Variants in NEIL2 observed in about 807,000 individuals in gnomAD.
NEIL2 encodes nei like DNA glycosylase 2, also known as endonuclease 8-like 2.
NEIL2 carries 23 observed loss-of-function variants against 22.2 expected under a neutral mutation model. That is an observed-to-expected ratio of 1.04 (90% CI 0.75 to 1.47). NEIL2 has a LOEUF of 1.47. NEIL2 is among the 40% of genes most tolerant of loss of function. The pLI is 0.00. For synonymous variants in NEIL2, 229 were observed against 164.8 expected (o/e 1.39, Z -2.99); for missense variants, 583 against 404.7 (o/e 1.44, Z -3.78).
intron 3 of NEIL2, among the ~76,000 whole-genome samples, chr8:11,780,735 A>G (rs6601606): frequency 0.042 from 6,373 of 152,266 alleles, 287 homozygotes; most frequent in East Asian, 0.25. Flanking sequence ...ATAAGACTCT[A>G]TCTAGGTTTA....
intron 4 of NEIL2, 122 bp from the exon 5 acceptor site, chr8:11,785,841 C>A: frequency 1.1e-6 from 1 of 871,232 alleles, no homozygotes. Context: ...TCAGAGATCG[C>A]AGACCCGTCT....
rs796345139 is a variant in NEIL2, at chr8:11,780,519, A to C, written c.491+569A>C. On this transcript the variant is annotated intron_variant, in intron 3 of 4. Transcript: ENST00000284503. ...CCTTAGCCTCGGAGGAGCTGGGACTACAGGTGCGTGCCACCACACCGGCTA... is the reference window on the plus strand; with the variant it reads ...CCTTAGCCTCGGAGGAGCTGGGACTCCAGGTGCGTGCCACCACACCGGCTA... Among the ~76,000 whole-genome samples, 15 of 152,248 alleles carry C rather than the reference A, an allele frequency of 9.9e-5. 1 individual carries two copies. The highest frequency in any genetic ancestry group is 3.6e-4 in the African/African-American group (15 of 41,542).
In NEIL2 at chr8:11,773,910, C is replaced by A. The variant is rs148943220; in HGVS notation, c.138+2325C>A. On this transcript the variant is annotated intron_variant, in intron 2 of 4. Transcript: ENST00000284503. Reference sequence around the variant, plus strand: ...AGGAGCAACATTGGAAACCAAGCTCCTTCTACTCTCCCCTTCCAAGACTGG... The same window carrying A: ...AGGAGCAACATTGGAAACCAAGCTCATTCTACTCTCCCCTTCCAAGACTGG... Among the ~76,000 whole-genome samples the A allele has an allele frequency of 3.5e-4, 53 of 152,294 alleles. 1 individual carries two copies. Among genetic ancestry groups the A allele is most frequent in the Middle Eastern group, 6.8e-3 (2 of 294 alleles).
chr8:11,775,377 CAG>C (rs1173495752), intron 2 of NEIL2, among the ~76,000 whole-genome samples: 1 of 152,218 alleles, frequency 6.6e-6, no homozygotes, highest in Admixed American at 6.5e-5. Context: ...GGCTAGGACA[CAG>C]GGCACCAAGT....
intron 2 of NEIL2, among the ~76,000 whole-genome samples, chr8:11,773,965 A>G (rs1165874124): frequency 6.6e-6 from 1 of 152,032 alleles, no homozygotes; most frequent in Non-Finnish European, 1.5e-5. Context: ...GGTTTAATGG[A>G]CTCACAGTTC....
In NEIL2 at chr8:11,786,293, A is replaced by C; in HGVS notation, c.*20A>C. The C allele has an allele frequency of 1.3e-6, 2 of 1,597,588 alleles. No individual in the cohort carries two copies. The highest frequency in any genetic ancestry group is 1.7e-6 in the Non-Finnish European group (2 of 1,174,702). ...TCCTAAGGAGCTGGTGGTGCTCCTC[A>C]CGGAACCTTGCCGCTTGGGGAACCT... On this transcript the variant is annotated 3_prime_UTR_variant, in exon 5 of 5. Transcript: ENST00000284503.
chr8:11,785,839 C>T (rs1005046094), intron 4 of NEIL2, 124 bp from the exon 5 acceptor site: 12 of 852,658 alleles, frequency 1.4e-5, no homozygotes, highest in South Asian at 6.7e-5. Context: ...AGTCAGAGAT[C>T]GCAGACCCGT....
intron 3 of NEIL2, among the ~76,000 whole-genome samples, chr8:11,781,495 C>T (rs1047931311): frequency 4.6e-5 from 7 of 152,198 alleles, no homozygotes; most frequent in Admixed American, 1.3e-4. Flanking sequence ...CCCCAGCAAA[C>T]CTGTCATCAT....
Position 11,779,676 on chromosome 8 carries a change from C to T in NEIL2, c.217C>T (p.Pro73Ser), listed in dbSNP as rs371264329. 3.1e-6 allele frequency: 5 copies of T among 1,613,914 alleles called. No homozygotes were observed. The South Asian group carries it at 4.4e-5, about 14-fold the overall frequency. The change falls in exon 3 of 5, where the codon CCT becomes TCT. Residue 73 changes from proline (P) to serine (S), a missense_variant. Coordinates refer to ENST00000284503, the MANE Select transcript of NEIL2 (RefSeq NM_145043.4). The part of the protein sequence containing the change: ...GPPGSSPTPE[P>S]PQKEVQKEGA... Reference sequence around the variant, plus strand: ...CCCTGGCAGCAGCCCAACACCAGAGCCTCCACAAAAAGAAGTGCAGAAGGA... The same window carrying T: ...CCCTGGCAGCAGCCCAACACCAGAGTCTCCACAAAAAGAAGTGCAGAAGGA...
At position 11,779,860 on chromosome 8, in the gene NEIL2, G is replaced by T. The variant is rs766124017; in HGVS notation, c.401G>T (p.Ser134Ile). 1 of 1,614,212 alleles carries T rather than the reference G, an allele frequency of 6.2e-7. No homozygotes were observed. The highest frequency in any genetic ancestry group is 8.5e-7 in the Non-Finnish European group (1 of 1,180,040). The part of the protein sequence containing the change: ...AGDAGRWLRV[S>I]FGLFGSVWVN... ...GATGCTGGGAGGTGGCTGCGTGTCA[G>T]CTTTGGTTTGTTTGGCAGCGTTTGG... The change falls in exon 3 of 5, where the codon AGC becomes ATC. Residue 134 changes from serine to isoleucine, a missense_variant. Physicochemically the swap from Ser to Ile is moderately radical, Grantham distance 142. Transcript: ENST00000284503.
At chr8:11,777,983 T>C (rs1186562191) in intron 2 of NEIL2, among the ~76,000 whole-genome samples, 1 of 152,200 alleles carries the variant, frequency 6.6e-6, no homozygotes, top group African/African-American at 2.4e-5. Flanking sequence ...ATTGAAAGCA[T>C]TGCAGAGCCT....
At chr8:11,783,073 G>A (rs1424593722) in intron 3 of NEIL2, 130 bp from the exon 4 acceptor site, 3 of 790,232 alleles carry the variant, frequency 3.8e-6, no homozygotes, top group Non-Finnish European at 6.8e-6. Flanking sequence ...GTATGATCCA[G>A]CCACAGAGTG....
intron 2 of NEIL2, among the ~76,000 whole-genome samples, chr8:11,773,688 A>T (rs543749683): frequency 1.8e-4 from 28 of 152,270 alleles, no homozygotes; most frequent in African/African-American, 6.5e-4. Flanking sequence ...AGGTGGAGTG[A>T]GCAGGGTGAG....
At chr8:11,775,964 A>C (rs1342264792) in intron 2 of NEIL2, among the ~76,000 whole-genome samples, 1 of 152,006 alleles carries the variant, frequency 6.6e-6, no homozygotes, top group Non-Finnish European at 1.5e-5. Flanking sequence ...GACTGTTTCA[A>C]CCTCTGCCTG....
At chr8:11,781,673 C>T (rs1231592413) in intron 3 of NEIL2, among the ~76,000 whole-genome samples, 1 of 152,216 alleles carries the variant, frequency 6.6e-6, no homozygotes, top group African/African-American at 2.4e-5. Flanking sequence ...TCTCTTTTCT[C>T]ATGTACCTGT....
chr8:11,776,985 G>C (rs1803957680), intron 2 of NEIL2, among the ~76,000 whole-genome samples: 1 of 152,256 alleles, frequency 6.6e-6, no homozygotes, highest in Admixed American at 6.5e-5. Flanking sequence ...AGGAGCCCCT[G>C]TTCCAGTGTA....
intron 4 of NEIL2, among the ~76,000 whole-genome samples, chr8:11,785,043 A>T (rs1174428372): frequency 6.6e-6 from 1 of 151,900 alleles, no homozygotes; most frequent in East Asian, 1.9e-4. Flanking sequence ...TAATTTTTAA[A>T]ATTTTTGTAG....
Position 11,771,501 on chromosome 8 carries a change from G to A in NEIL2, c.54G>A (p.Val18=), listed in dbSNP as rs745808000. ...TTCACCATTTGGTCTCCCCCTTTGT[G>A]GGTCAGCAGGTGGTCAAGACAGGGG... is the stretch of plus-strand genomic sequence containing the variant. ...RKFHHLVSPF[V]GQQVVKTGGS... Residue 18 remains valine (V), a synonymous_variant, in exon 2 of 5, where the codon GTG becomes GTA. Coordinates refer to ENST00000284503, the MANE Select transcript of NEIL2 (RefSeq NM_145043.4). 1.2e-5 allele frequency: 20 copies of A among 1,614,146 alleles called. No homozygotes were observed. The East Asian group carries it at 4.5e-4, about 36-fold the overall frequency.
intron 4 of NEIL2, 50 bp from the exon 5 acceptor site, chr8:11,785,913 C>A: frequency 6.4e-7 from 1 of 1,563,824 alleles, no homozygotes; most frequent in Non-Finnish European, 8.8e-7. Flanking sequence ...GTGGTTTCAT[C>A]ATGCCATGTG....
Sources: gnomAD v4.1 joint callset for allele counts (sites outside exome capture counted in the v4.1 genomes callset) on GRCh38, gnomAD v4.1.1 for gene constraint, MANE v1.5 for transcripts, NCBI Gene and HGNC (gene_info 2026-07-23, HGNC 2026-07-21) for gene names.